The following BEND4 variants were observed in gnomAD, a reference collection of about 807,000 sequenced individuals.
BEND4 encodes the protein BEN domain-containing protein 4.
In BEND4, 27 loss-of-function variants were observed where a neutral mutation model predicts 54.7. The ratio of observed to expected loss-of-function variants is 0.49; its 90% confidence interval spans 0.36 to 0.68. The LOEUF (loss-of-function observed/expected upper bound fraction) is 0.68, where lower values mean the gene tolerates loss of function less well. Ranked by LOEUF, BEND4 falls within the 30% of genes least tolerant of loss-of-function variation. The pLI is 0.00. For missense variants in BEND4, 702 were observed against 697.2 expected, an observed-to-expected ratio of 1.01 and a Z score of -0.08; for synonymous variants, 327 against 299.5, an observed-to-expected ratio of 1.09 and a Z score of -0.95.
At position 42,147,095 on chromosome 4, in the gene BEND4, T is replaced by G. The variant is rs545453286; in HGVS notation, c.488-3101A>C. Among the ~76,000 whole-genome samples, 147 of 152,324 alleles carry G rather than the reference T, an allele frequency of 9.7e-4. 1 individual carries two copies. The highest frequency in any genetic ancestry group is 3.5e-3 in the African/African-American group (144 of 41,586). ...TTACAATCATAAAGTAGTTCTTGCCTGCAGTTTTTTAAATGCTTCATTCTG... is the reference window on the plus strand; with the variant it reads ...TTACAATCATAAAGTAGTTCTTGCCGGCAGTTTTTTAAATGCTTCATTCTG... On this transcript the variant is annotated intron_variant, in intron 2 of 5. Transcript: ENST00000502486.
intron 5 of BEND4, among the ~76,000 whole-genome samples, chr4:42,118,477 A>G (rs996420974): frequency 6.6e-6 from 1 of 152,194 alleles, no homozygotes; most frequent in Non-Finnish European, 1.5e-5. Flanking sequence ...TGTGGCCCTA[A>G]GTGAAAAATG....
chr4:42,148,199 A>G (rs1721144572), intron 2 of BEND4, among the ~76,000 whole-genome samples: 1 of 152,226 alleles, frequency 6.6e-6, no homozygotes, highest in African/African-American at 2.4e-5. Flanking sequence ...AGAAAATCAA[A>G]GCATCTTTGG....
chr4:42,123,694 G>GGA (rs1553921967), intron 4 of BEND4, among the ~76,000 whole-genome samples: 4 of 50,810 alleles, frequency 7.9e-5, no homozygotes, highest in Admixed American at 2.1e-4. Flanking sequence ...CTGTAATTCA[G>GGA]AAAAAAAAAA....
chr4:42,132,356 A>C (rs922293753), intron 3 of BEND4, among the ~76,000 whole-genome samples: 1 of 152,220 alleles, frequency 6.6e-6, no homozygotes, highest in African/African-American at 2.4e-5. Context: ...GCAAGAGGTC[A>C]GGGGATCGTT....
At chr4:42,117,836 A>G (rs1366126091) in intron 5 of BEND4, 101 bp from the exon 6 acceptor site, 3 of 748,738 alleles carry the variant, frequency 4.0e-6, no homozygotes, top group Non-Finnish European at 4.3e-6. Context: ...CAGAAGCTCT[A>G]TAAGAAAAGC....
In BEND4 at chr4:42,151,578, C is replaced by T. The variant is rs1350986591; in HGVS notation, c.487+79G>A. On this transcript the variant is annotated intron_variant, in intron 2 of 5. Coordinates refer to ENST00000502486, the MANE Select transcript of BEND4 (RefSeq NM_207406.4). Reference sequence around the variant, plus strand: ...GCCCAGCACGGGTAAGTGTCGGCGGCCCCCCGCTTCTCCTTCCTGGGTCCC... The same window carrying T: ...GCCCAGCACGGGTAAGTGTCGGCGGTCCCCCGCTTCTCCTTCCTGGGTCCC... The T allele has an allele frequency of 9.6e-6, 13 of 1,358,114 alleles. No homozygotes were observed. In the Admixed American group the frequency reaches 2.6e-4, roughly 27 times the overall value. 84.1% of individuals were successfully genotyped at this position (1,358,114 alleles called of 1,614,324 possible).
intron 2 of BEND4, among the ~76,000 whole-genome samples, chr4:42,150,770 G>A (rs1264645178): frequency 6.6e-6 from 1 of 152,210 alleles, no homozygotes; most frequent in Admixed American, 6.5e-5. Flanking sequence ...CCGCAGACTC[G>A]AGATAAAGGA....
At chr4:42,133,625 C>T (rs190895657) in intron 3 of BEND4, among the ~76,000 whole-genome samples, 4 of 152,248 alleles carry the variant, frequency 2.6e-5, no homozygotes, top group East Asian at 1.9e-4. Flanking sequence ...GATGCTGAGG[C>T]GGGTAGATCA....
At chr4:42,135,063 G>C (rs569961052) in intron 3 of BEND4, among the ~76,000 whole-genome samples, 11 of 152,292 alleles carry the variant, frequency 7.2e-5, no homozygotes, top group African/African-American at 2.4e-4. Flanking sequence ...GGGCTGTTTG[G>C]GGGAGAGACC....
In BEND4 at chr4:42,144,606, C is replaced by G. The variant is rs1577767841; in HGVS notation, c.488-612G>C. Reference sequence around the variant, plus strand: ...TCTTCTAACATCAGTGTTCACTATTCCTTCTTTTCATTTATTTGCTAACTT... The same window carrying G: ...TCTTCTAACATCAGTGTTCACTATTGCTTCTTTTCATTTATTTGCTAACTT... On this transcript the variant is annotated intron_variant, in intron 2 of 5. Transcript: ENST00000502486. Among the ~76,000 whole-genome samples, 2 of 152,324 alleles carry G rather than the reference C, an allele frequency of 1.3e-5. 1 individual carries two copies. The highest frequency in any genetic ancestry group is 6.8e-3 in the Middle Eastern group (2 of 294).
At chr4:42,130,982 T>G (rs1445732555) in intron 3 of BEND4, among the ~76,000 whole-genome samples, 1 of 152,006 alleles carries the variant, frequency 6.6e-6, no homozygotes. Context: ...AACCAAACAC[T>G]GCATGTTCTC....
intron 3 of BEND4, among the ~76,000 whole-genome samples, chr4:42,128,618 C>T (rs140035150): frequency 1.5e-3 from 222 of 151,062 alleles, no homozygotes; most frequent in African/African-American, 4.9e-3. Context: ...AGCAAGACTC[C>T]GTCTCAAAAA....
chr4:42,130,211 T>G (rs1460559796), intron 3 of BEND4, among the ~76,000 whole-genome samples: 1 of 152,114 alleles, frequency 6.6e-6, no homozygotes, highest in Non-Finnish European at 1.5e-5. Context: ...CTGGGCGCAG[T>G]GGTTCACGCC....
intron 3 of BEND4, among the ~76,000 whole-genome samples, chr4:42,132,589 C>T (rs1720547992): frequency 6.6e-6 from 1 of 151,894 alleles, no homozygotes; most frequent in Non-Finnish European, 1.5e-5. Context: ...GGATTACAGG[C>T]GTCCGCCACC....
At chr4:42,124,561 G>C (rs1215341618) in intron 4 of BEND4, among the ~76,000 whole-genome samples, 1 of 152,110 alleles carries the variant, frequency 6.6e-6, no homozygotes, top group Non-Finnish European at 1.5e-5. Context: ...TGAGGGCCTG[G>C]GGTGACCAGA....
chr4:42,152,324 C>A lies in BEND4; in HGVS notation c.-181G>T, dbSNP rs967712427. The A allele has an allele frequency of 1.1e-5, 5 of 445,082 alleles. No individual in the cohort carries two copies. Among genetic ancestry groups the A allele is most frequent in the Non-Finnish European group, 1.1e-5 (3 of 283,020 alleles). 27.6% of individuals were successfully genotyped at this position (445,082 alleles called of 1,614,324 possible). ...GCTGAGGCTGGCATCGCCGAGCCCC[C>A]GCGCGGGGGGCTGCCGCCCGAGCTC... On this transcript the variant is annotated 5_prime_UTR_variant, in exon 2 of 6. Transcript: ENST00000502486.
In BEND4 at chr4:42,120,254, G is replaced by A. The variant is rs774436286; in HGVS notation, c.1187C>T (p.Thr396Met). ...QLLNNYPVYI[T>M]SKQWDEAVNS... ...TACAGCCTCATCCCACTGTTTGCTCGTTATGTAGACAGGATAGTTGTTCAA... is the reference window on the plus strand; with the variant it reads ...TACAGCCTCATCCCACTGTTTGCTCATTATGTAGACAGGATAGTTGTTCAA... Residue 396 changes from threonine (T) to methionine (M), a missense_variant, in exon 5 of 6, where the codon ACG becomes ATG. By Grantham distance (81) the Thr-to-Met change is moderately conservative. Transcript: ENST00000502486. 27 of 1,613,142 alleles carry A rather than the reference G, an allele frequency of 1.7e-5. No homozygotes were observed. The highest frequency in any genetic ancestry group is 2.2e-5 in the East Asian group (1 of 44,850).
intron 3 of BEND4, among the ~76,000 whole-genome samples, chr4:42,136,732 C>G (rs1002661067): frequency 6.6e-6 from 1 of 152,192 alleles, no homozygotes; most frequent in Non-Finnish European, 1.5e-5. Context: ...AGTTGTAGCA[C>G]TGAAGTGCTG....
At chr4:42,137,942 A>G (rs1720749192) in intron 3 of BEND4, among the ~76,000 whole-genome samples, 1 of 152,216 alleles carries the variant, frequency 6.6e-6, no homozygotes, top group South Asian at 2.1e-4. Flanking sequence ...ATCAAAAGAT[A>G]ACAAGTGTTG....
Sources: gnomAD v4.1 joint callset for allele counts (sites outside exome capture counted in the v4.1 genomes callset) on GRCh38, gnomAD v4.1.1 for gene constraint, MANE v1.5 for transcripts, NCBI Gene and HGNC (gene_info 2026-07-23, HGNC 2026-07-21) for gene names.